The following SYN3 variants were observed in gnomAD, a reference collection of about 807,000 sequenced individuals.
SYN3 encodes synapsin-3.
SYN3 carries 35 observed loss-of-function variants against 65.8 expected under a neutral mutation model. The ratio of observed to expected loss-of-function variants is 0.53; its 90% CI spans 0.41 to 0.70. SYN3 has a LOEUF of 0.70. Ranked by LOEUF, SYN3 falls within the 30% of genes least tolerant of loss-of-function variation. The pLI, the probability that SYN3 is intolerant of heterozygous loss-of-function variation, is 0.00. For missense variants in SYN3, 680 were observed against 749.0 expected (o/e 0.91, Z 1.08); for synonymous variants, 270 against 292.9 (o/e 0.92, Z 0.80).
At chr22:33,020,213 C>T (rs551032347) in intron 1 of SYN3, among the ~76,000 whole-genome samples, 1 of 152,280 alleles carries the variant, frequency 6.6e-6, no homozygotes, top group Admixed American at 6.5e-5. Flanking sequence ...ACCATGGAAA[C>T]GTGTTTGTTC....
Position 33,006,788 on chromosome 22 carries a change from C to T in SYN3, c.-126G>A, listed in dbSNP as rs2053211192. ...CCAGAAGAGCCAGGGGGATTTTGCG[C>T]AACCAGCAGTCAGCTTTAGCTGCCT... is the stretch of plus-strand genomic sequence containing the variant. On this transcript the variant is annotated 5_prime_UTR_variant, in exon 2 of 14. Transcript: ENST00000358763. 1 of 922,322 alleles carries T rather than the reference C, an allele frequency of 1.1e-6. No homozygotes were observed. The highest frequency in any genetic ancestry group is 2.5e-5 in the East Asian group (1 of 39,614). The allele number at this position is 922,322 out of a possible 1,614,324, so 57.1% of individuals were successfully genotyped here.
chr22:32,836,711 G>GCTA (rs1569264071), intron 6 of SYN3, among the ~76,000 whole-genome samples: 2 of 152,242 alleles, frequency 1.3e-5, no homozygotes, highest in Non-Finnish European at 2.9e-5. Context: ...GGGGACACCC[G>GCTA]CTGCAGCAGG....
At chr22:32,974,906 G>A (rs1309864937) in intron 3 of SYN3, among the ~76,000 whole-genome samples, 1 of 152,156 alleles carries the variant, frequency 6.6e-6, no homozygotes, top group Non-Finnish European at 1.5e-5. Context: ...ATTTAGAGAT[G>A]TTTTAGGTAA....
At chr22:32,808,812 C>T (rs1201089355) in intron 6 of SYN3, among the ~76,000 whole-genome samples, 2 of 152,182 alleles carry the variant, frequency 1.3e-5, no homozygotes, top group Non-Finnish European at 2.9e-5. Flanking sequence ...TCTAGTAAAA[C>T]CCAAATTCTC....
At chr22:32,954,636 C>A (rs1334901213) in intron 3 of SYN3, among the ~76,000 whole-genome samples, 1 of 152,142 alleles carries the variant, frequency 6.6e-6, no homozygotes, top group East Asian at 1.9e-4. Context: ...GATGTGGAAG[C>A]ACAGTCCATT....
intron 6 of SYN3, among the ~76,000 whole-genome samples, chr22:32,638,358 CTG>C (rs2059848826): frequency 1.3e-5 from 2 of 152,120 alleles, no homozygotes; most frequent in African/African-American, 4.8e-5. Context: ...AATGGTAGTT[CTG>C]TTTTAAGTTC....
At chr22:32,515,374 A>G (rs1344930081) in intron 13 of SYN3, among the ~76,000 whole-genome samples, 1 of 152,166 alleles carries the variant, frequency 6.6e-6, no homozygotes, top group African/African-American at 2.4e-5. Context: ...AATCCTTATA[A>G]TAACCCTGTG....
At chr22:32,866,488 C>T (rs557647884) in intron 5 of SYN3, among the ~76,000 whole-genome samples, 1 of 152,158 alleles carries the variant, frequency 6.6e-6, no homozygotes, top group Non-Finnish European at 1.5e-5. Flanking sequence ...TTTGAAGAGG[C>T]CTAGCTCTAC....
At chr22:32,988,493 C>T (rs2145699431) in intron 2 of SYN3, among the ~76,000 whole-genome samples, 1 of 152,128 alleles carries the variant, frequency 6.6e-6, no homozygotes, top group East Asian at 1.9e-4. Context: ...GATAGACCAC[C>T]TACTATGTGC....
intron 2 of SYN3, among the ~76,000 whole-genome samples, chr22:32,996,568 T>C (rs1205320029): frequency 1.3e-5 from 2 of 152,082 alleles, no homozygotes; most frequent in African/African-American, 2.4e-5. Flanking sequence ...TAGAGTTCTC[T>C]TGAGTATTAT....
intron 3 of SYN3, among the ~76,000 whole-genome samples, chr22:32,967,711 C>G (rs1403475281): frequency 1.3e-5 from 2 of 152,208 alleles, no homozygotes; most frequent in Admixed American, 1.3e-4. Flanking sequence ...AGGTTCCACC[C>G]TAGGTTAATT....
In SYN3 at chr22:32,783,160, T is replaced by A. The variant is rs1041272694; in HGVS notation, c.711+81755A>T. 5 of 152,422 alleles carry A rather than the reference T, an allele frequency of 3.3e-5. No individual in the cohort carries two copies. The East Asian group carries it at 5.8e-4, about 18-fold the overall frequency. 9.4% of individuals were successfully genotyped at this position (152,422 alleles called of 1,614,324 possible). A position where few individuals can be genotyped will look rare whatever the true frequency, so the allele number is the denominator to read the frequency against. On this transcript the variant is annotated intron_variant, in intron 6 of 13. Coordinates refer to ENST00000358763, the MANE Select transcript of SYN3 (RefSeq NM_003490.4). ...CACTAAGACCGGGTTTCTCCTGTGC[T>A]TCCTCTCTTGATGCAGGTTTATATT...
intron 6 of SYN3, among the ~76,000 whole-genome samples, chr22:32,681,846 A>G (rs1022760444): frequency 2.0e-5 from 3 of 152,254 alleles, no homozygotes; most frequent in Non-Finnish European, 4.4e-5. Context: ...ATGAAGTACT[A>G]GAAAGTAAAA....
At chr22:32,735,181 C>A (rs1174837483) in intron 6 of SYN3, among the ~76,000 whole-genome samples, 2 of 152,198 alleles carry the variant, frequency 1.3e-5, no homozygotes, top group Admixed American at 1.3e-4. Flanking sequence ...AGGCTTTTGG[C>A]AGGCTCCTGG....
At chr22:32,806,140 A>G (rs113008005) in intron 6 of SYN3, among the ~76,000 whole-genome samples, 18 of 152,120 alleles carry the variant, frequency 1.2e-4, no homozygotes, top group African/African-American at 4.3e-4. Flanking sequence ...AGGTGGGATC[A>G]GTTAGGGCTC....
intron 6 of SYN3, among the ~76,000 whole-genome samples, chr22:32,659,499 G>A (rs2060187732): frequency 6.6e-6 from 1 of 152,118 alleles, no homozygotes; most frequent in African/African-American, 2.4e-5. Flanking sequence ...GACATGACTG[G>A]TACCTCCCAC....
chr22:33,029,865 C>T (rs540356601), intron 1 of SYN3, among the ~76,000 whole-genome samples: 6 of 152,156 alleles, frequency 3.9e-5, no homozygotes, highest in African/African-American at 9.7e-5. Context: ...AAACTTAGCT[C>T]GGTTATACAG....
In SYN3 at chr22:32,976,044, T is replaced by C. The variant is rs1009771875; in HGVS notation, c.369+4601A>G. 3.9e-5 allele frequency among the ~76,000 whole-genome samples: 6 copies of C among 152,194 alleles called. No individual in the cohort carries two copies. The South Asian group carries it at 1.2e-3, about 31-fold the overall frequency. On this transcript the variant is annotated intron_variant, in intron 3 of 13. Coordinates refer to ENST00000358763, the MANE Select transcript of SYN3 (RefSeq NM_003490.4). ...TGAAGTGCATGTGAGAAAATATAAA[T>C]ACGGGGTCTGAAGTGTTTAAAATAT...
At chr22:32,728,877 G>A (rs1289926893) in intron 6 of SYN3, among the ~76,000 whole-genome samples, 2 of 152,150 alleles carry the variant, frequency 1.3e-5, no homozygotes, top group African/African-American at 2.4e-5. Context: ...CCTGTGTGTG[G>A]GCAGAGCACA....
Sources: allele counts gnomAD v4.1 joint callset (sites outside exome capture counted in the v4.1 genomes callset), GRCh38; gene constraint gnomAD v4.1.1; transcripts MANE v1.5; gene names NCBI Gene and HGNC (gene_info 2026-07-23, HGNC 2026-07-21).